The following NBPF8 variants were observed in gnomAD, a reference collection of about 807,000 sequenced individuals.
The protein encoded by NBPF8 is NBPF member 8.
At chr1:120,415,572 G>A (rs1216721531), upstream of NBPF8, among the ~76,000 whole-genome samples, 4 of 152,168 alleles carry the variant, frequency 2.6e-5, no homozygotes, top group Admixed American at 6.5e-5. Context: ...GCACGTCCTC[G>A]TGTATCCTGT....
intron 5 of NBPF8, chr1:120,442,786 C>T: frequency 1.1e-5 from 1 of 93,988 alleles, no homozygotes. Flanking sequence ...CTGATTAAGC[C>T]TATTTGATTT....
chr1:120,435,907 T>G (rs1448046065), upstream of NBPF8, among the ~76,000 whole-genome samples: 1 of 151,198 alleles, frequency 6.6e-6, no homozygotes, highest in Non-Finnish European at 1.5e-5. Context: ...TACTAAATGA[T>G]TCCATTTTTT....
intron 15 of NBPF8, among the ~76,000 whole-genome samples, chr1:120,454,423 A>G (rs200799134): frequency 6.6e-6 from 1 of 151,518 alleles, no homozygotes; most frequent in Non-Finnish European, 1.5e-5. Flanking sequence ...TGATTAAGTC[A>G]TCTGTCCCTG....
chr1:120,467,673 C>T (rs1299963104), exon 25 of NBPF8: 33 of 149,944 alleles, frequency 2.2e-4, no homozygotes, highest in African/African-American at 7.6e-4. Context: ...AAAACATTCT[C>T]TGCCTGAGTT....
At chr1:120,466,184 A>C in exon 25 of NBPF8, 1 of 1,609,458 alleles carries the variant, frequency 6.2e-7, no homozygotes, top group Non-Finnish European at 8.5e-7. Context: ...ACAAGTCTCT[A>C]TCTGGTCTTC....
chr1:120,431,483 G>A (rs1660878296), upstream of NBPF8, among the ~76,000 whole-genome samples: 2 of 148,312 alleles, frequency 1.3e-5, no homozygotes, highest in East Asian at 2.0e-4. Context: ...AAAAGACTTA[G>A]ATACTTCAGA....
At chr1:120,428,541 A>G (rs1165303951) in intron 3 of NBPF8, among the ~76,000 whole-genome samples, 3 of 152,230 alleles carry the variant, frequency 2.0e-5, no homozygotes, top group East Asian at 1.9e-4. Flanking sequence ...ATAAACTCCC[A>G]TCAGCTTTAA....
chr1:120,424,593 G>T (rs1182143867), intron 1 of NBPF8, among the ~76,000 whole-genome samples: 2 of 152,148 alleles, frequency 1.3e-5, no homozygotes, highest in South Asian at 2.1e-4. Flanking sequence ...GATTACAGGC[G>T]CCTGCCACCA....
chr1:120,436,543 T>G, exon 1 of NBPF8: 2 of 1,531,202 alleles, frequency 1.3e-6, no homozygotes, highest in Non-Finnish European at 1.8e-6. Context: ...CAGCCGGCCC[T>G]TGGTCCAGCG....
chr1:120,450,562 ACTAT>A (rs1292113276), intron 11 of NBPF8, among the ~76,000 whole-genome samples: 6 of 152,202 alleles, frequency 3.9e-5, no homozygotes, highest in South Asian at 2.1e-4. Context: ...CACAGTAAAC[ACTAT>A]CTATTAGTTC....
chr1:120,424,536 C>T lies in NBPF8; in HGVS notation n.270-1211C>T, dbSNP rs1277901528. On this transcript the variant is annotated intron_variant and non_coding_transcript_variant, in intron 1 of 28. Coordinates refer to the NBPF8 transcript ENST00000652355. ...CATCTCAGCTCACTGCAACCTCCAC[C>T]TCCTGAGTTCAAGTGATTCTCCTGC... Among the ~76,000 whole-genome samples, 436 of 152,256 alleles carry T rather than the reference C, an allele frequency of 2.9e-3. 20 individuals are homozygous for T. The East Asian group carries it at 0.075, about 26-fold the overall frequency.
At chr1:120,415,216 A>G (rs61806646), upstream of NBPF8, among the ~76,000 whole-genome samples, 5,179 of 152,232 alleles carry the variant, frequency 0.034, 318 homozygotes, top group African/African-American at 0.12. Context: ...GGCGCGGCGC[A>G]CGGATGCCAT....
chr1:120,462,418 G>A (rs1370054584), intron 20 of NBPF8, among the ~76,000 whole-genome samples: 251 of 147,734 alleles, frequency 1.7e-3, no homozygotes, highest in African/African-American at 6.1e-3. Flanking sequence ...CTCAAAGGCT[G>A]TATGGCAACT....
At chr1:120,430,521 G>A (rs1211066942) in intron 3 of NBPF8, among the ~76,000 whole-genome samples, 2 of 119,490 alleles carry the variant, frequency 1.7e-5, no homozygotes, top group East Asian at 1.9e-4. Context: ...TTGGGAGGCC[G>A]AGGTGGGCAG....
upstream of NBPF8, among the ~76,000 whole-genome samples, chr1:120,417,854 G>T (rs1274613766): frequency 2.8e-3 from 399 of 143,660 alleles, 2 homozygotes; most frequent in African/African-American, 0.01. Flanking sequence ...TCCCACTTAA[G>T]CCTCCCAGAG....
At chr1:120,417,736 A>G (rs1359751830), upstream of NBPF8, among the ~76,000 whole-genome samples, 1,017 of 127,952 alleles carry the variant, frequency 7.9e-3, 16 homozygotes, top group African/African-American at 0.031. Flanking sequence ...AGTAGCTGCG[A>G]CTATAGGAGT....
At chr1:120,451,137 T>C in intron 11 of NBPF8, 43 bp from the exon 10 acceptor site, 2 of 1,358,122 alleles carry the variant, frequency 1.5e-6, no homozygotes, top group Middle Eastern at 2.5e-4. Context: ...CACAGCAGCA[T>C]GTCCAGCCTT....
intron 15 of NBPF8, among the ~76,000 whole-genome samples, chr1:120,454,963 T>C (rs1661396335): frequency 6.8e-6 from 1 of 147,808 alleles, no homozygotes; most frequent in Admixed American, 6.8e-5. Flanking sequence ...GATTCACCTG[T>C]CTTGGCCTCC....
upstream of NBPF8, among the ~76,000 whole-genome samples, chr1:120,415,336 G>A (rs1422365843): frequency 7.9e-5 from 12 of 152,050 alleles, no homozygotes. Context: ...ACACAGCTGG[G>A]TCGAGCTGCG....
Sources: gnomAD v4.1 joint callset for allele counts (sites outside exome capture counted in the v4.1 genomes callset) on GRCh38, gnomAD v4.1.1 for gene constraint, MANE v1.5 for transcripts, NCBI Gene and HGNC (gene_info 2026-07-23, HGNC 2026-07-21) for gene names.